ALDH5A1: variants seen among roughly 807,000 people sequenced by gnomAD.
ALDH5A1 encodes the protein succinate-semialdehyde dehydrogenase, mitochondrial.
ALDH5A1 carries 33 observed loss-of-function variants against 54.7 expected under a neutral mutation model. That is an observed-to-expected ratio of 0.60 (90% confidence interval 0.46 to 0.81). The LOEUF is 0.81. ALDH5A1 is among the 30% of genes least tolerant of loss of function. The probability of loss-of-function intolerance (pLI) is 0.00; values close to 1 mark genes in which losing one functional copy is unlikely to be tolerated. For missense variants in ALDH5A1, 657 were observed against 711.0 expected (o/e 0.92, Z 0.86); for synonymous variants, 294 against 292.7 (o/e 1.00, Z -0.05).
At chr6:24,527,491 G>T (rs746489704) in intron 7 of ALDH5A1, among the ~76,000 whole-genome samples, 1 of 152,140 alleles carries the variant, frequency 6.6e-6, no homozygotes, top group Non-Finnish European at 1.5e-5. Context: ...AGAATCGCTT[G>T]AACCTGGGAG....
intron 8 of ALDH5A1, among the ~76,000 whole-genome samples, chr6:24,529,124 A>C (rs1759876886): frequency 2.0e-5 from 3 of 152,182 alleles, no homozygotes; most frequent in Middle Eastern, 3.4e-3. Flanking sequence ...TTTTAGGTTC[A>C]ACCCTTTGGA....
chr6:24,500,888 CA>C (rs924740864), intron 1 of ALDH5A1, among the ~76,000 whole-genome samples: 3 of 147,558 alleles, frequency 2.0e-5, no homozygotes, highest in African/African-American at 4.9e-5. Context: ...CTTGTCTGTA[CA>C]AAAAAAATTT....
At chr6:24,517,942 G>A (rs1025733433) in intron 5 of ALDH5A1, among the ~76,000 whole-genome samples, 2 of 152,238 alleles carry the variant, frequency 1.3e-5, no homozygotes, top group African/African-American at 4.8e-5. Flanking sequence ...ACCCCGCTGA[G>A]AGGACAGCAG....
chr6:24,524,071 G>A (rs1759757534), intron 7 of ALDH5A1, among the ~76,000 whole-genome samples: 1 of 143,436 alleles, frequency 7.0e-6, no homozygotes. Flanking sequence ...TGCAACCTCC[G>A]CCCCACTGAG....
At chr6:24,524,703 T>G (rs569695215) in intron 7 of ALDH5A1, among the ~76,000 whole-genome samples, 4 of 152,162 alleles carry the variant, frequency 2.6e-5, no homozygotes, top group Non-Finnish European at 5.9e-5. Flanking sequence ...ATTTTAGAGG[T>G]GACTTTGGAC....
chr6:24,515,102 CTT>C (rs4646842), intron 4 of ALDH5A1, 63 bp from the exon 5 acceptor site: 35,261 of 900,294 alleles, frequency 0.039, no homozygotes, highest in East Asian at 0.063. Flanking sequence ...TTTCTCTTTT[CTT>C]TTTTTTTTTT....
At chr6:24,520,633 A>T (rs1332222203) in intron 6 of ALDH5A1, 89 bp downstream of exon 6, 6 of 1,494,566 alleles carry the variant, frequency 4.0e-6, no homozygotes, top group Non-Finnish European at 3.6e-6. Context: ...TGTGCATGTG[A>T]GTGTGTGTGT....
chr6:24,532,128 A>C lies in ALDH5A1; in HGVS notation c.1353A>C (p.Thr451=), dbSNP rs146549665. 3.3e-5 allele frequency: 53 copies of C among 1,614,038 alleles called. No individual in the cohort carries two copies. The highest frequency in any genetic ancestry group is 4.4e-5 in the Non-Finnish European group (52 of 1,179,998). ...ATCTTAACTTTGGCAGGTTCGATAC[A>C]GAGGAGGAGGCTATAGCAATCGCTA... ...GPLAPVIKFD[T]EEEAIAIANA... The change falls in exon 9 of 10, where the codon ACA becomes ACC. Residue 451 remains threonine, a synonymous_variant. Coordinates refer to ENST00000357578, the MANE Select transcript of ALDH5A1 (RefSeq NM_001080.3).
chr6:24,515,356 T>C, intron 5 of ALDH5A1, 46 bp downstream of exon 5: 8 of 1,594,676 alleles, frequency 5.0e-6, no homozygotes, highest in Admixed American at 1.7e-5. Context: ...TTCTAATATT[T>C]TATCTTGATA....
intron 8 of ALDH5A1, among the ~76,000 whole-genome samples, chr6:24,531,418 C>T (rs1759933660): frequency 6.6e-6 from 1 of 152,206 alleles, no homozygotes; most frequent in Admixed American, 6.5e-5. Context: ...TACCCTTGGA[C>T]AAATTGACTT....
Position 24,533,607 on chromosome 6 carries a change from G to A in ALDH5A1, c.1503G>A (p.Glu501=). 6.2e-7 allele frequency: 1 copy of A among 1,614,156 alleles called. No homozygotes were observed. Among genetic ancestry groups the A allele is most frequent in the Non-Finnish European group, 8.5e-7 (1 of 1,180,030 alleles). The change falls in exon 10 of 10, where the codon GAG becomes GAA. Residue 501 remains glutamate, a synonymous_variant. Coordinates refer to ENST00000357578, the MANE Select transcript of ALDH5A1 (RefSeq NM_001080.3). ...GVNEGLISSV[E]CPFGGVKQSG... is the part of the protein sequence containing the mutation. ...ACGAAGGATTAATTTCCTCTGTGGA[G>A]TGCCCTTTTGGTGGAGTGAAGCAGT...
chr6:24,501,502 G>A (rs1764816718), intron 1 of ALDH5A1, among the ~76,000 whole-genome samples: 1 of 152,170 alleles, frequency 6.6e-6, no homozygotes, highest in African/African-American at 2.4e-5. Flanking sequence ...GGATGGAAAT[G>A]TAGTGCCTGA....
intron 4 of ALDH5A1, chr6:24,511,726 T>A: frequency 2.5e-6 from 1 of 403,624 alleles, no homozygotes; most frequent in Non-Finnish European, 4.3e-6. Context: ...CCCTTATTTC[T>A]TGTATCTTTT....
chr6:24,501,927 A>ATGTG (rs200086687), intron 1 of ALDH5A1, among the ~76,000 whole-genome samples: 7 of 147,856 alleles, frequency 4.7e-5, no homozygotes, highest in African/African-American at 1.0e-4. Flanking sequence ...GTATATATAT[A>ATGTG]TGTGTGTGTG....
intron 4 of ALDH5A1, among the ~76,000 whole-genome samples, chr6:24,508,361 CAA>C (rs1214819272): frequency 5.4e-4 from 7 of 13,076 alleles, no homozygotes; most frequent in African/African-American, 1.5e-3. Context: ...ACTCCATCTC[CAA>C]AAAAAAAAAA....
chr6:24,508,645 T>C (rs1174736263), intron 4 of ALDH5A1, among the ~76,000 whole-genome samples: 1 of 152,096 alleles, frequency 6.6e-6, no homozygotes, highest in Non-Finnish European at 1.5e-5. Context: ...AGTAGTGGGG[T>C]TGCTGGATCA....
chr6:24,502,440 A>G, intron 1 of ALDH5A1, 83 bp from the exon 2 acceptor site: 1 of 1,067,300 alleles, frequency 9.4e-7, no homozygotes, highest in Non-Finnish European at 1.4e-6. Flanking sequence ...TACAGCTAAT[A>G]TTTTAGGATA....
At chr6:24,514,466 C>T (rs1457016301) in intron 4 of ALDH5A1, among the ~76,000 whole-genome samples, 1 of 152,078 alleles carries the variant, frequency 6.6e-6, no homozygotes, top group African/African-American at 2.4e-5. Flanking sequence ...TGGCCAGGCC[C>T]GGTGGCTCAC....
At chr6:24,501,738 T>G (rs1316063957) in intron 1 of ALDH5A1, among the ~76,000 whole-genome samples, 6 of 151,916 alleles carry the variant, frequency 3.9e-5, no homozygotes, top group Non-Finnish European at 5.9e-5. Context: ...AAATTTTTGA[T>G]TTTTTTTATT....
Sources: allele counts gnomAD v4.1 joint callset (sites outside exome capture counted in the v4.1 genomes callset), GRCh38; gene constraint gnomAD v4.1.1; transcripts MANE v1.5; gene names NCBI Gene and HGNC (gene_info 2026-07-23, HGNC 2026-07-21).